The following ZFP37 variants were observed in gnomAD, a reference collection of about 807,000 sequenced individuals.
ZFP37 encodes zinc finger protein 37 homolog.
ZFP37 carries 38 observed loss-of-function variants against 52.1 expected under a neutral mutation model. The observed-to-expected ratio is 0.73, with a 90% CI of 0.56 to 0.96. The LOEUF is 0.96. ZFP37 is among the 40% of genes least tolerant of loss of function. The pLI is 0.00. For missense variants in ZFP37, 695 were observed against 741.4 expected (o/e 0.94, Z 0.73); for synonymous variants, 253 against 259.5 (o/e 0.98, Z 0.24).
rs1829080613 is a variant in ZFP37 at position 113,052,864 on chromosome 9, C to G, written c.133-2992G>C. On this transcript the variant is annotated intron_variant, in intron 1 of 3. Coordinates refer to ENST00000374227, the MANE Select transcript of ZFP37 (RefSeq NM_003408.3). This position sits in a 1 kb window ranked among gnomAD's most constrained non-coding sequence, Gnocchi z 4.1. The stretch of plus-strand genomic sequence containing the variant: ...TTCCCAGATGACAGCAAAAAGCAGA[C>G]CTTGCAGCAGGCCTGTCTAAGGATA... Among the ~76,000 whole-genome samples, 1 of 152,322 alleles carries G rather than the reference C, an allele frequency of 6.6e-6. No homozygotes were observed. Among genetic ancestry groups the G allele is most frequent in the Non-Finnish European group, 1.5e-5 (1 of 68,030 alleles).
At position 113,044,266 on chromosome 9, in the gene ZFP37, C is replaced by T. The variant is rs1467825234; in HGVS notation, c.352G>A (p.Val118Ile). The change falls in exon 4 of 4, where the codon GTC becomes ATC. Residue 118 changes from valine to isoleucine, a missense_variant and splice_region_variant. Physicochemically the swap from Val to Ile is conservative, Grantham distance 29 (BLOSUM62 3). Around this residue, in one of 2 missense-constraint regions of ZFP37, gnomAD observed 369 missense variants for 340.9 expected, o/e 1.08. Transcript: ENST00000374227. ...TCAAGCTGGTCATCATCTTTCTGGA[C>T]TTCTAAAATGGAATTCAGTGAGATA... Reference protein sequence around the residue: ...RPKQKETDGKVQKDDDQLENI... With the variant: ...RPKQKETDGKIQKDDDQLENI... The T allele has an allele frequency of 1.3e-6, 2 of 1,551,584 alleles. No individual in the cohort carries two copies. Among genetic ancestry groups the T allele is most frequent in the African/African-American group, 2.8e-5 (2 of 71,938 alleles).
chr9:113,051,328 G>C (rs879547161), intron 1 of ZFP37, among the ~76,000 whole-genome samples: 1 of 152,138 alleles, frequency 6.6e-6, no homozygotes, highest in East Asian at 1.9e-4. Flanking sequence ...TTAGGCAGGT[G>C]GGGGAGGACG....
At chr9:113,046,230 CTATA>C (rs200966204) in intron 3 of ZFP37, among the ~76,000 whole-genome samples, 1 of 125,616 alleles carries the variant, frequency 8.0e-6, no homozygotes, top group Non-Finnish European at 1.7e-5. Context: ...AGACATATAT[CTATA>C]TATATATAGA....
Position 113,044,255 on chromosome 9 carries a change from A to C in ZFP37, c.363T>G (p.Asp121Glu). The C allele has an allele frequency of 6.4e-7, 1 of 1,561,514 alleles. No individual in the cohort carries two copies. Among genetic ancestry groups the C allele is most frequent in the Middle Eastern group, 1.7e-4 (1 of 5,806 alleles). The change falls in exon 4 of 4, where the codon GAT becomes GAG. Residue 121 changes from aspartate to glutamate, a missense_variant. Asp to Glu is a conservative substitution (Grantham distance 45). Transcript: ENST00000374227. ...TCTGGATATTTTCAAGCTGGTCATC[A>C]TCTTTCTGGACTTCTAAAATGGAAT... ...QKETDGKVQK[D>E]DDQLENIQKS... is the part of the protein sequence containing the mutation.
At chr9:113,055,658 T>C (rs376061829) in intron 1 of ZFP37, among the ~76,000 whole-genome samples, 36 of 152,214 alleles carry the variant, frequency 2.4e-4, no homozygotes, top group African/African-American at 7.5e-4. Flanking sequence ...CTTCACAAAC[T>C]TCTCCCAATT....
At chr9:113,046,969 C>T (rs1440505969) in intron 3 of ZFP37, among the ~76,000 whole-genome samples, 7 of 151,966 alleles carry the variant, frequency 4.6e-5, no homozygotes, top group African/African-American at 1.7e-4. Flanking sequence ...ATTAGCTGGG[C>T]GTGGTGGTGG....
At position 113,040,326 on chromosome 9, in the gene ZFP37, C is replaced by G. The variant is rs1054243845; in HGVS notation, c.*2399G>C. On this transcript the variant is annotated 3_prime_UTR_variant, in exon 4 of 4. Coordinates refer to ENST00000374227, the MANE Select transcript of ZFP37 (RefSeq NM_003408.3). ...GTTTCATCCATCTAAAAAGTGCAGG[C>G]TTTCTACAGCTCTAGACAGTGATGA... The G allele has an allele frequency of 2.6e-5, 4 of 152,238 alleles. No homozygotes were observed. The highest frequency in any genetic ancestry group is 9.6e-5 in the African/African-American group (4 of 41,464). The allele number at this position is 152,238 out of a possible 1,614,324, so 9.4% of individuals were successfully genotyped here. A position where few individuals can be genotyped will look rare whatever the true frequency, so the allele number is the denominator to read the frequency against.
intron 1 of ZFP37, among the ~76,000 whole-genome samples, chr9:113,055,744 C>T (rs546416859): frequency 6.6e-6 from 1 of 152,088 alleles, no homozygotes; most frequent in Non-Finnish European, 1.5e-5. Flanking sequence ...AATCACTGAC[C>T]ACCAAAGAAC....
rs749361137 is a variant in ZFP37, at chr9:113,042,908, C to T, written c.1710G>A (p.Glu570=). The stretch of plus-strand genomic sequence containing the variant: ...CACATTCGTTACATTCATAAGGTTT[C>T]TCCCCAGTATGAGTTCTCTGATGTA... ...LIVHQRTHTG[E]KPYECNECEK... is the part of the protein sequence containing the mutation. Residue 570 remains glutamate, a synonymous_variant, in exon 4 of 4, where the codon GAG becomes GAA. Transcript: ENST00000374227. 1 of 1,613,816 alleles carries T rather than the reference C, an allele frequency of 6.2e-7. No homozygotes were observed. Among genetic ancestry groups the T allele is most frequent in the South Asian group, 1.1e-5 (1 of 91,020 alleles).
At position 113,043,529 on chromosome 9, in the gene ZFP37, T is replaced by C. The variant is rs892002818; in HGVS notation, c.1089A>G (p.Ala363=). The C allele has an allele frequency of 1.7e-5, 28 of 1,613,942 alleles. No individual in the cohort carries two copies. Among genetic ancestry groups the C allele is most frequent in the Non-Finnish European group, 2.2e-5 (26 of 1,179,956 alleles). Residue 363 remains alanine (A), a synonymous_variant, in exon 4 of 4, where the codon GCA becomes GCG. Transcript: ENST00000374227. ...QCGKAHGHKH[A]LTDHLRIHTG... ...TATGAATTCTTAGATGGTCAGTGAG[T>C]GCATGTTTATGACCATGGGCTTTGC...
chr9:113,056,441 C>T lies in ZFP37; in HGVS notation c.132+116G>A, dbSNP rs1203180317. ...GAACACCGACCTCCCAAAAGACCAT[C>T]TAGCATCGATTCCACCAATTCCCAA... On this transcript the variant is annotated intron_variant, in intron 1 of 3. Transcript: ENST00000374227. 4.6e-6 allele frequency: 7 copies of T among 1,512,710 alleles called. No individual in the cohort carries two copies. In the East Asian group the frequency reaches 1.4e-4, roughly 29 times the overall value. The allele number at this position is 1,512,710 out of a possible 1,614,324, so 93.7% of individuals were successfully genotyped here.
chr9:113,046,511 A>T (rs932644665), intron 3 of ZFP37, among the ~76,000 whole-genome samples: 55 of 152,284 alleles, frequency 3.6e-4, no homozygotes, highest in African/African-American at 1.3e-3. Flanking sequence ...AACCTTTACA[A>T]TGATGAATTT....
Position 113,049,773 on chromosome 9 carries a change from C to T in ZFP37, c.214+18G>A. 1 of 1,610,138 alleles carries T rather than the reference C, an allele frequency of 6.2e-7. No homozygotes were observed. The highest frequency in any genetic ancestry group is 8.5e-7 in the Non-Finnish European group (1 of 1,178,322). On this transcript the variant is annotated intron_variant, in intron 2 of 3. Coordinates refer to ENST00000374227, the MANE Select transcript of ZFP37 (RefSeq NM_003408.3). Reference sequence around the variant, plus strand: ...ATCACAGTGGACACATTTTGAATTACAAAGGAATTGTTCTTACCCATTGAG... The same window carrying T: ...ATCACAGTGGACACATTTTGAATTATAAAGGAATTGTTCTTACCCATTGAG...
chr9:113,039,203 T>G lies in ZFP37; in HGVS notation c.*3522A>C, dbSNP rs1828808680. 1.3e-5 allele frequency: 2 copies of G among 152,186 alleles called. No individual in the cohort carries two copies. The highest frequency in any genetic ancestry group is 2.9e-5 in the Non-Finnish European group (2 of 68,040). The allele number at this position is 152,186 out of a possible 1,614,324, so 9.4% of individuals were successfully genotyped here. On this transcript the variant is annotated 3_prime_UTR_variant, in exon 4 of 4. Transcript: ENST00000374227. The stretch of plus-strand genomic sequence containing the variant: ...GATGGACTGCCGACCATCATAAGGC[T>G]TTGATGTATACTGTCAGATTTACAT...
At position 113,042,440 on chromosome 9, in the gene ZFP37, A is replaced by G. The variant is rs1344341278; in HGVS notation, c.*285T>C. The G allele has an allele frequency of 3.6e-6, 1 of 276,612 alleles. No individual in the cohort carries two copies. Among genetic ancestry groups the G allele is most frequent in the Admixed American group, 4.7e-5 (1 of 21,100 alleles). 17.1% of individuals were successfully genotyped at this position (276,612 alleles called of 1,614,324 possible). A position where few individuals can be genotyped will look rare whatever the true frequency, so the allele number is the denominator to read the frequency against. On this transcript the variant is annotated 3_prime_UTR_variant, in exon 4 of 4. Coordinates refer to ENST00000374227, the MANE Select transcript of ZFP37 (RefSeq NM_003408.3). Reference sequence around the variant, plus strand: ...ATAACTTGTTTCTCCATTGCTTTGAATATTCAAATAATTCACAATTTTTAA... The same window carrying G: ...ATAACTTGTTTCTCCATTGCTTTGAGTATTCAAATAATTCACAATTTTTAA...
chr9:113,046,196 G>A (rs1587911614), intron 3 of ZFP37, among the ~76,000 whole-genome samples: 1 of 134,536 alleles, frequency 7.4e-6, no homozygotes, highest in East Asian at 2.2e-4. Context: ...ATCTATATAT[G>A]TAGACAGATA....
At chr9:113,045,653 T>C (rs1828936841) in intron 3 of ZFP37, among the ~76,000 whole-genome samples, 1 of 152,202 alleles carries the variant, frequency 6.6e-6, no homozygotes, top group Non-Finnish European at 1.5e-5. Context: ...TATGTTTGTA[T>C]TACATAATCC....
At position 113,051,272 on chromosome 9, in the gene ZFP37, G is replaced by C. The variant is rs537125697; in HGVS notation, c.133-1400C>G. ...AAAAAATAAGCAGAACCCTAACTAG[G>C]GGGGTGGGAGTAGGGAAGAAATTAA... is the stretch of plus-strand genomic sequence containing the variant. On this transcript the variant is annotated intron_variant, in intron 1 of 3. Coordinates refer to ENST00000374227, the MANE Select transcript of ZFP37 (RefSeq NM_003408.3). 3.4e-4 allele frequency among the ~76,000 whole-genome samples: 51 copies of C among 152,228 alleles called. No individual in the cohort carries two copies. In the South Asian group the frequency reaches 4.4e-3, roughly 13 times the overall value.
In ZFP37 at chr9:113,041,472, T is replaced by A. The variant is rs972761283; in HGVS notation, c.*1253A>T. On this transcript the variant is annotated 3_prime_UTR_variant, in exon 4 of 4. Transcript: ENST00000374227. ...TCATTCGAATTCCCTGATTGAGGTG[T>A]TTGTGTGTTAGTTCTTTGAATATGA... The A allele has an allele frequency of 6.6e-6, 1 of 152,178 alleles. No individual in the cohort carries two copies. The highest frequency in any genetic ancestry group is 6.5e-5 in the Admixed American group (1 of 15,274). 9.4% of individuals were successfully genotyped at this position (152,178 alleles called of 1,614,324 possible).
Sources: gnomAD v4.1 joint callset for allele counts (sites outside exome capture counted in the v4.1 genomes callset) on GRCh38, gnomAD v4.1.1 for gene constraint, gnomAD v4.1.1 regional missense constraint, Gnocchi (gnomAD v3.1) non-coding constraint, MANE v1.5 for transcripts, NCBI Gene and HGNC (gene_info 2026-07-23, HGNC 2026-07-21) for gene names.